Variants in RFC5 observed in about 807,000 individuals in gnomAD.
RFC5 encodes A1 36 kDa subunit.
Under a neutral mutation model 44.3 loss-of-function variants are expected in RFC5, and 26 were observed. The observed-to-expected ratio is 0.59, with a 90% CI of 0.43 to 0.81. The LOEUF is 0.81. Ranked by LOEUF, RFC5 falls within the 40% of genes least tolerant of loss-of-function variation. The pLI, the probability that RFC5 is intolerant of heterozygous loss-of-function variation, is 0.00. For synonymous variants in RFC5, 155 were observed against 155.2 expected, an observed-to-expected ratio of 1.00 and a Z score of 0.01; for missense variants, 328 against 418.6, an observed-to-expected ratio of 0.78 and a Z score of 1.89.
downstream of RFC5, chr12:118,036,244 C>T (rs1423053629): frequency 3.5e-6 from 5 of 1,418,226 alleles, no homozygotes; most frequent in Non-Finnish European, 4.8e-6. Context: ...TGTCCCCTCC[C>T]ATGTCCCAGA....
downstream of RFC5, chr12:118,034,412 A>G (rs1240771856): frequency 2.9e-5 from 46 of 1,596,090 alleles, no homozygotes; most frequent in Non-Finnish European, 3.9e-5. Flanking sequence ...TCATGTTTTC[A>G]TGAGGATGAA....
chr12:118,021,786 G>A (rs1014251394), intron 4 of RFC5, among the ~76,000 whole-genome samples: 6 of 151,856 alleles, frequency 4.0e-5, no homozygotes, highest in African/African-American at 9.7e-5. Flanking sequence ...GTGAAACCTC[G>A]TCTCTACTAA....
At chr12:118,023,405 AGGAGGAGGGGGGAGGAGGGGAG>A (rs2030659891) in intron 5 of RFC5, among the ~76,000 whole-genome samples, 1 of 34,248 alleles carries the variant, frequency 2.9e-5, no homozygotes, top group African/African-American at 1.9e-4. Context: ...AAGGGGGAGG[AGGAGGAGGGGGGAGGAGGGGAG>A]GAAGAGGAGG....
chr12:118,023,415 G>A (rs1038454265), intron 5 of RFC5, among the ~76,000 whole-genome samples: 4 of 22,820 alleles, frequency 1.8e-4, no homozygotes, highest in African/African-American at 5.9e-4. Flanking sequence ...AGGAGGAGGG[G>A]GGAGGAGGGG....
chr12:118,040,557 G>A, the RFC5 span, among the ~76,000 whole-genome samples: 1 of 151,428 alleles, frequency 6.6e-6, no homozygotes, highest in African/African-American at 2.4e-5. Flanking sequence ...GGTCAGGAGT[G>A]CAAGACCAGC....
chr12:118,038,290 A>T, the RFC5 span: 2 of 1,612,784 alleles, frequency 1.2e-6, no homozygotes, highest in Admixed American at 1.7e-5. Flanking sequence ...AGACTCACCG[A>T]CTTCTCTCCA....
intron 10 of RFC5, 50 bp from the exon 11 acceptor site, chr12:118,031,132 G>T (rs1185943016): frequency 7.7e-7 from 1 of 1,305,698 alleles, no homozygotes; most frequent in Admixed American, 1.8e-5. Flanking sequence ...TTAAGAAAAG[G>T]CAGCTGTGTT....
chr12:118,022,119 C>T (rs572710657), intron 4 of RFC5, among the ~76,000 whole-genome samples, 167 bp from the exon 5 acceptor site: 11 of 152,262 alleles, frequency 7.2e-5, no homozygotes, highest in South Asian at 4.1e-4. Flanking sequence ...AGGAGTGATG[C>T]GGCATTTCCT....
At chr12:118,021,893 G>T (rs1017699246) in intron 4 of RFC5, among the ~76,000 whole-genome samples, 2 of 152,180 alleles carry the variant, frequency 1.3e-5, no homozygotes, top group South Asian at 4.1e-4. Context: ...GGAGGCAGAG[G>T]TTGCAGCGAG....
intron 5 of RFC5, among the ~76,000 whole-genome samples, chr12:118,023,666 C>A (rs561530530): frequency 6.6e-6 from 1 of 152,096 alleles, no homozygotes; most frequent in Admixed American, 6.5e-5. Flanking sequence ...TCATAAGCAA[C>A]TCTTTGTTCG....
intron 1 of RFC5, chr12:118,017,982 C>G (rs1347776795): frequency 2.9e-6 from 2 of 698,632 alleles, no homozygotes; most frequent in Non-Finnish European, 5.2e-6. Context: ...TCCCCATTCT[C>G]CCCTTCCTCT....
In RFC5 at chr12:118,019,024, T is replaced by C. The variant is rs777362911; in HGVS notation, c.66-48T>C. 2.2e-6 allele frequency: 3 copies of C among 1,355,278 alleles called. No individual in the cohort carries two copies. Among genetic ancestry groups the C allele is most frequent in the Non-Finnish European group, 3.2e-6 (3 of 946,110 alleles). The allele number at this position is 1,355,278 out of a possible 1,614,324, so 84.0% of individuals were successfully genotyped here. A position where few individuals can be genotyped will look rare whatever the true frequency, so the allele number is the denominator to read the frequency against. On this transcript the variant is annotated intron_variant, in intron 1 of 10. Transcript: ENST00000454402. The surrounding 1 kb of genome is among the most constrained non-coding windows in gnomAD (Gnocchi z 4.2). ...TGCAAGGATTCTTTTGCACATAAAA[T>C]ATTCTTGCATTTATATATGTCATAA...
intron 5 of RFC5, among the ~76,000 whole-genome samples, chr12:118,024,169 G>A (rs5745855): frequency 0.15 from 22,834 of 151,728 alleles, 2,140 homozygotes; most frequent in Non-Finnish European, 0.2. Flanking sequence ...GTGAAACCCC[G>A]TCTCTACTAA....
chr12:118,023,926 G>A (rs991590378), intron 5 of RFC5, among the ~76,000 whole-genome samples: 1 of 152,114 alleles, frequency 6.6e-6, no homozygotes, highest in Non-Finnish European at 1.5e-5. Flanking sequence ...TGTGAAAGAG[G>A]GGTGGCTAGG....
At chr12:118,025,686 C>A in intron 6 of RFC5, 61 bp from the exon 7 acceptor site, 1 of 939,798 alleles carries the variant, frequency 1.1e-6, no homozygotes, top group Non-Finnish European at 1.8e-6. Context: ...CATCTTGTTC[C>A]TTTGGTGAAT....
At chr12:118,027,697 AAAAG>A (rs1041240281) in intron 8 of RFC5, among the ~76,000 whole-genome samples, 5 of 151,784 alleles carry the variant, frequency 3.3e-5, no homozygotes, top group African/African-American at 1.2e-4. Context: ...GAAAGAAAGA[AAAAG>A]AAAACGCAGT....
the RFC5 span, among the ~76,000 whole-genome samples, chr12:118,039,752 TTA>T: frequency 6.6e-6 from 1 of 152,036 alleles, no homozygotes; most frequent in Non-Finnish European, 1.5e-5. Flanking sequence ...TTATTTTTTT[TTA>T]TTTTTTTGAG....
intron 8 of RFC5, chr12:118,027,327 C>T (rs1566127984): frequency 6.9e-6 from 2 of 288,864 alleles, no homozygotes; most frequent in African/African-American, 2.2e-5. Context: ...ATAGTGATAG[C>T]TCTTGTGCTG....
At chr12:118,034,866 T>C (rs2031469836), downstream of RFC5, 17 of 866,862 alleles carry the variant, frequency 2.0e-5, no homozygotes, top group Non-Finnish European at 3.0e-5. Flanking sequence ...TATATAATCT[T>C]GAATTGCCTT....
Sources: allele counts gnomAD v4.1 joint callset (sites outside exome capture counted in the v4.1 genomes callset), GRCh38; gene constraint gnomAD v4.1.1; non-coding constraint Gnocchi (gnomAD v3.1); transcripts MANE v1.5; gene names NCBI Gene and HGNC (gene_info 2026-07-23, HGNC 2026-07-21).